Variants in LRRFIP1 observed in about 807,000 individuals in gnomAD.
LRRFIP1 encodes leucine-rich repeat flightless-interacting protein 1.
A neutral mutation model predicts 104.4 loss-of-function variants in LRRFIP1; 62 were observed. That is an observed-to-expected ratio of 0.59 (90% CI 0.48 to 0.73). The LOEUF (loss-of-function observed/expected upper bound fraction) is 0.73. Among genes scored for constraint, LRRFIP1 ranks in the 30% least tolerant of loss-of-function variants. The pLI, the probability that LRRFIP1 is intolerant of heterozygous loss-of-function variation, is 0.00. For missense variants in LRRFIP1, 796 were observed against 824.5 expected (o/e 0.97, Z 0.42); for synonymous variants, 300 against 299.0 (o/e 1.00, Z -0.03).
At chr2:237,741,647 G>A (rs1014650144) in intron 11 of LRRFIP1, among the ~76,000 whole-genome samples, 1 of 152,048 alleles carries the variant, frequency 6.6e-6, no homozygotes, top group Admixed American at 6.6e-5. Flanking sequence ...GGCCAACATG[G>A]AGAAATCCCA....
intron 11 of LRRFIP1, among the ~76,000 whole-genome samples, chr2:237,742,889 G>A (rs951996563): frequency 2.0e-5 from 3 of 152,120 alleles, no homozygotes; most frequent in South Asian, 2.1e-4. Context: ...TCTGAGGCAG[G>A]GAGTTTCAGA....
chr2:237,643,959 C>A (rs1022989078), intron 1 of LRRFIP1, among the ~76,000 whole-genome samples: 20 of 152,182 alleles, frequency 1.3e-4, no homozygotes, highest in Non-Finnish European at 2.9e-5. Flanking sequence ...TGGTTTGCGA[C>A]CTTACCCCTC....
At chr2:237,680,086 G>A (rs528995172) in intron 1 of LRRFIP1, among the ~76,000 whole-genome samples, 11 of 152,280 alleles carry the variant, frequency 7.2e-5, no homozygotes, top group Admixed American at 2.0e-4. Context: ...AAAAAGACAC[G>A]GATCCATCCC....
intron 1 of LRRFIP1, among the ~76,000 whole-genome samples, chr2:237,675,100 G>A (rs550733331): frequency 2.6e-5 from 4 of 152,278 alleles, no homozygotes; most frequent in Middle Eastern, 3.4e-3. Flanking sequence ...TTTTTCACAC[G>A]CCCAGACACC....
intron 1 of LRRFIP1, among the ~76,000 whole-genome samples, chr2:237,688,100 GACATGTAATTT>G (rs2092509027): frequency 6.6e-6 from 1 of 152,198 alleles, no homozygotes; most frequent in African/African-American, 2.4e-5. Flanking sequence ...TTAGATTTCA[GACATGTAATTT>G]TCATTGAGAG....
At chr2:237,676,110 C>T (rs1219924394) in intron 1 of LRRFIP1, among the ~76,000 whole-genome samples, 11 of 152,180 alleles carry the variant, frequency 7.2e-5, no homozygotes, top group African/African-American at 2.7e-4. Context: ...ATTCTGTACA[C>T]ATTAAACACT....
intron 7 of LRRFIP1, among the ~76,000 whole-genome samples, chr2:237,725,288 G>A (rs2094697140): frequency 6.6e-6 from 1 of 152,182 alleles, no homozygotes; most frequent in Admixed American, 6.5e-5. Context: ...GGAAGCAGGT[G>A]TGAGACCCAG....
chr2:237,698,579 T>TA (rs975137502), intron 1 of LRRFIP1, among the ~76,000 whole-genome samples: 2 of 152,260 alleles, frequency 1.3e-5, no homozygotes, highest in African/African-American at 4.8e-5. Flanking sequence ...CCTTGTAAGC[T>TA]AAAGCCTTCT....
In LRRFIP1 at chr2:237,691,786, G is replaced by A. The variant is rs868317348; in HGVS notation, c.97-16758G>A. Among the ~76,000 whole-genome samples the A allele has an allele frequency of 3.3e-5, 5 of 152,182 alleles. No individual in the cohort carries two copies. Among genetic ancestry groups the A allele is most frequent in the African/African-American group, 4.8e-5 (2 of 41,450 alleles). The stretch of plus-strand genomic sequence containing the variant: ...CCACGGCCCCTGCGGGTGGAGCTGC[G>A]GCCGGAGCCTGAGGGGTCTTTTCCT... On this transcript the variant is annotated intron_variant, in intron 1 of 23. Coordinates refer to ENST00000308482, the MANE Select transcript of LRRFIP1 (RefSeq NM_001137550.2). The surrounding 1 kb of genome is among the most constrained non-coding windows in gnomAD (Gnocchi z 5.4).
At chr2:237,772,252 A>G (rs1329897105) in intron 21 of LRRFIP1, 54 bp downstream of exon 21, 8 of 1,373,446 alleles carry the variant, frequency 5.8e-6, no homozygotes, top group Non-Finnish European at 8.3e-6. Flanking sequence ...CTGTTTTAGT[A>G]TACTTGTGCT....
chr2:237,707,902 A>G (rs1232780787), intron 1 of LRRFIP1, among the ~76,000 whole-genome samples: 1 of 152,126 alleles, frequency 6.6e-6, no homozygotes, highest in Non-Finnish European at 1.5e-5. Context: ...TTGTGTTGGG[A>G]AAAGGTGGAC....
chr2:237,664,551 T>C (rs2088816549), intron 1 of LRRFIP1, among the ~76,000 whole-genome samples: 2 of 152,238 alleles, frequency 1.3e-5, no homozygotes, highest in African/African-American at 4.8e-5. Context: ...GCTCCAAGAC[T>C]GAATGGACTT....
intron 1 of LRRFIP1, among the ~76,000 whole-genome samples, chr2:237,666,030 CTG>C (rs2089169171): frequency 6.6e-6 from 1 of 152,360 alleles, no homozygotes; most frequent in East Asian, 1.9e-4. Flanking sequence ...AGCATGGACT[CTG>C]GCATGGACGG....
intron 1 of LRRFIP1, among the ~76,000 whole-genome samples, chr2:237,653,193 A>G (rs1193621916): frequency 2.0e-5 from 3 of 152,218 alleles, no homozygotes; most frequent in Non-Finnish European, 2.9e-5. Context: ...GTAACTGTTT[A>G]TATCAGTGTG....
chr2:237,695,694 A>G (rs2093130118), intron 1 of LRRFIP1, among the ~76,000 whole-genome samples: 1 of 152,180 alleles, frequency 6.6e-6, no homozygotes, highest in Non-Finnish European at 1.5e-5. Context: ...TAGACATGGG[A>G]CAGGAGAAGA....
At chr2:237,673,846 C>T (rs1297388764) in intron 1 of LRRFIP1, among the ~76,000 whole-genome samples, 1 of 152,104 alleles carries the variant, frequency 6.6e-6, no homozygotes, top group Non-Finnish European at 1.5e-5. Context: ...GAGAGGTGGG[C>T]GGAGGCTGTC....
chr2:237,736,607 G>A (rs767049339), intron 10 of LRRFIP1, among the ~76,000 whole-genome samples: 3 of 152,150 alleles, frequency 2.0e-5, no homozygotes, highest in African/African-American at 4.8e-5. Context: ...GATGGGCTTC[G>A]GGAGTCGTCA....
In LRRFIP1 at chr2:237,735,436, A is replaced by G. The variant is rs2095210415; in HGVS notation, c.555+103A>G. The G allele has an allele frequency of 6.4e-6, 7 of 1,090,464 alleles. No individual in the cohort carries two copies. The South Asian group carries it at 1.1e-4, about 17-fold the overall frequency. The allele number at this position is 1,090,464 out of a possible 1,614,324, so 67.5% of individuals were successfully genotyped here. A position where few individuals can be genotyped will look rare whatever the true frequency, so the allele number is the denominator to read the frequency against. On this transcript the variant is annotated intron_variant, in intron 10 of 23. Coordinates refer to ENST00000308482, the MANE Select transcript of LRRFIP1 (RefSeq NM_001137550.2). This position sits in a 1 kb window ranked among gnomAD's most constrained non-coding sequence, Gnocchi z 4.6. ...CCGTGGGGGGTGACTGGCCATTCTC[A>G]GGAGGAAGCGCCGAGTCACCGGGCT...
chr2:237,737,185 G>A (rs899083075), intron 10 of LRRFIP1, among the ~76,000 whole-genome samples: 2 of 152,210 alleles, frequency 1.3e-5, no homozygotes, highest in Admixed American at 1.3e-4. Context: ...AAGCTGGGAC[G>A]TAGTCATCAC....
Sources: allele counts gnomAD v4.1 joint callset (sites outside exome capture counted in the v4.1 genomes callset), GRCh38; gene constraint gnomAD v4.1.1; non-coding constraint Gnocchi (gnomAD v3.1); transcripts MANE v1.5; gene names NCBI Gene and HGNC (gene_info 2026-07-23, HGNC 2026-07-21).